ADCY5: variants seen among roughly 807,000 people sequenced by gnomAD.
The protein encoded by ADCY5 is adenylate cyclase type 5.
ADCY5 carries 30 observed loss-of-function variants against 119.7 expected under a neutral mutation model. The observed-to-expected ratio is 0.25, with a 90% CI of 0.19 to 0.34. The LOEUF (loss-of-function observed/expected upper bound fraction) is 0.34. ADCY5 is among the 10% of genes least tolerant of loss of function. The pLI, the probability that ADCY5 is intolerant of heterozygous loss-of-function variation, is 1.00. For missense variants in ADCY5, 1,324 were observed against 1,775.2 expected, an observed-to-expected ratio of 0.75 and a Z score of 4.57; for synonymous variants, 753 against 762.2, an observed-to-expected ratio of 0.99 and a Z score of 0.20.
intron 1 of ADCY5, among the ~76,000 whole-genome samples, chr3:123,440,331 G>C (rs1416232580): frequency 1.3e-5 from 2 of 152,238 alleles, no homozygotes; most frequent in Admixed American, 1.3e-4. Context: ...CCCAGATGCA[G>C]CAGCTCATAA....
rs10662985 is a variant in ADCY5 at position 123,377,929 on chromosome 3, C to CAAA, written c.1135-25351_1135-25349dup. Among the ~76,000 whole-genome samples, 529 of 84,142 alleles carry CAAA rather than the reference C, an allele frequency of 6.3e-3. 22 individuals carry two copies. Among genetic ancestry groups the CAAA allele is most frequent in the East Asian group, 0.063 (172 of 2,740 alleles). The allele number at this position is 84,142 out of a possible 152,430, so 55.2% of individuals were successfully genotyped here. ...TGGGCGAGAGTGCAAGACTCCATCT[C>CAAA]AAAAAAAAAAAAAAAAAAACTCAAA... On this transcript the variant is annotated intron_variant, in intron 1 of 20. Transcript: ENST00000462833.
At chr3:123,332,336 C>T (rs184797686) in intron 4 of ADCY5, among the ~76,000 whole-genome samples, 191 of 152,376 alleles carry the variant, frequency 1.3e-3, no homozygotes, top group African/African-American at 4.1e-3. Context: ...TTGTGGTCAG[C>T]GACAGTGCTG....
intron 3 of ADCY5, 101 bp from the exon 4 acceptor site, chr3:123,332,776 A>T: frequency 1.2e-6 from 1 of 823,122 alleles, no homozygotes; most frequent in Non-Finnish European, 2.0e-6. Context: ...TTTTTTTAAG[A>T]AGAGGTCTTG....
At chr3:123,390,282 G>A (rs1944366354) in intron 1 of ADCY5, among the ~76,000 whole-genome samples, 2 of 152,254 alleles carry the variant, frequency 1.3e-5, no homozygotes, top group Admixed American at 6.5e-5. Flanking sequence ...GTGGCCGGAT[G>A]TCAAAGCAGC....
chr3:123,415,029 G>A (rs1241765632), intron 1 of ADCY5, among the ~76,000 whole-genome samples: 3 of 152,144 alleles, frequency 2.0e-5, no homozygotes, highest in South Asian at 2.1e-4. Context: ...TGGGTCCCTA[G>A]AGAGAAGATC....
At chr3:123,290,539 G>A (rs1322876945) in intron 18 of ADCY5, among the ~76,000 whole-genome samples, 2 of 152,214 alleles carry the variant, frequency 1.3e-5, no homozygotes, top group Admixed American at 6.5e-5. Context: ...CTGCCCTACC[G>A]GGCTCTGCAT....
At chr3:123,303,430 G>A (rs1002717406) in intron 13 of ADCY5, among the ~76,000 whole-genome samples, 3 of 151,916 alleles carry the variant, frequency 2.0e-5, no homozygotes, top group Non-Finnish European at 4.4e-5. Context: ...GCCCTCCCAG[G>A]GAGGGGTTCT....
intron 1 of ADCY5, among the ~76,000 whole-genome samples, chr3:123,408,174 A>T (rs1399868541): frequency 1.3e-5 from 2 of 152,138 alleles, no homozygotes; most frequent in African/African-American, 2.4e-5. Context: ...GGACACATTA[A>T]GCAAATCATG....
chr3:123,406,617 T>C (rs7638579), intron 1 of ADCY5, among the ~76,000 whole-genome samples: 1 of 152,184 alleles, frequency 6.6e-6, no homozygotes, highest in African/African-American at 2.4e-5. Context: ...CTCCTGAAAT[T>C]GGGCTCTTGG....
chr3:123,345,528 T>C (rs896419890), intron 3 of ADCY5, among the ~76,000 whole-genome samples: 1 of 151,928 alleles, frequency 6.6e-6, no homozygotes, highest in East Asian at 1.9e-4. Flanking sequence ...GGAGAGAAAA[T>C]TCCAGAAGGG....
Position 123,448,656 on chromosome 3 carries a change from G to A in ADCY5, c.-111C>T. The A allele has an allele frequency of 1.0e-6, 1 of 989,890 alleles. No homozygotes were observed. The highest frequency in any genetic ancestry group is 1.3e-6 in the Non-Finnish European group (1 of 765,932). The allele number at this position is 989,890 out of a possible 1,614,324, so 61.3% of individuals were successfully genotyped here. A position where few individuals can be genotyped will look rare whatever the true frequency, so the allele number is the denominator to read the frequency against. On this transcript the variant is annotated 5_prime_UTR_variant, in exon 1 of 21. Coordinates refer to ENST00000462833, the MANE Select transcript of ADCY5 (RefSeq NM_183357.3). The stretch of plus-strand genomic sequence containing the variant: ...GGGACCAGGCTAGGGTCACACGTCG[G>A]GGGCGGCCCGGGGCCCTGCGCTGCA...
At chr3:123,314,362 G>A (rs777847111) in intron 11 of ADCY5, 40 bp from the exon 12 acceptor site, 8 of 1,529,748 alleles carry the variant, frequency 5.2e-6, no homozygotes, top group South Asian at 3.4e-5. Flanking sequence ...CCAGGCTCAG[G>A]TGGCAGGGCT....
At chr3:123,324,181 C>T (rs149059799) in intron 8 of ADCY5, among the ~76,000 whole-genome samples, 29 of 152,214 alleles carry the variant, frequency 1.9e-4, no homozygotes, top group African/African-American at 6.0e-4. Context: ...TCCTTAAGCT[C>T]GTATCATCTG....
intron 14 of ADCY5, 96 bp downstream of exon 14, chr3:123,302,959 A>G (rs1040824941): frequency 1.4e-6 from 2 of 1,432,602 alleles, no homozygotes; most frequent in Non-Finnish European, 9.6e-7. Flanking sequence ...AGCTGGTGAG[A>G]CCCTGTCCTT....
At chr3:123,341,591 T>TA (rs972444149) in intron 3 of ADCY5, among the ~76,000 whole-genome samples, 2 of 152,120 alleles carry the variant, frequency 1.3e-5, no homozygotes, top group African/African-American at 4.8e-5. Context: ...TGAATGTACT[T>TA]AATGCCACTG....
At chr3:123,319,916 C>T in intron 9 of ADCY5, 98 bp from the exon 10 acceptor site, 1 of 1,492,280 alleles carries the variant, frequency 6.7e-7, no homozygotes, top group South Asian at 1.3e-5. Flanking sequence ...TCGGAGAGGC[C>T]TGGCAGCTGT....
chr3:123,325,531 A>C, intron 7 of ADCY5, 69 bp from the exon 8 acceptor site: 1 of 1,593,582 alleles, frequency 6.3e-7, no homozygotes, highest in Non-Finnish European at 8.6e-7. Context: ...CCTTCCCCAA[A>C]CATCGTACCT....
At chr3:123,303,897 A>AG (rs144372832) in intron 13 of ADCY5, among the ~76,000 whole-genome samples, 170 bp downstream of exon 13, 10 of 147,338 alleles carry the variant, frequency 6.8e-5, no homozygotes, top group African/African-American at 2.5e-4. Flanking sequence ...AGAAGAGAAG[A>AG]AAGAACTTGT....
chr3:123,294,974 C>A lies in ADCY5; in HGVS notation c.3063+1110G>T, dbSNP rs546774363. On this transcript the variant is annotated intron_variant, in intron 17 of 20. Transcript: ENST00000462833. ...AGGCCTGACAAGGGGCAGGCTCACA[C>A]AGGATCTTCCCCAGGGTGCCCCAGC... Among the ~76,000 whole-genome samples the A allele has an allele frequency of 3.3e-5, 5 of 152,310 alleles. No individual in the cohort carries two copies. The South Asian group carries it at 6.2e-4, about 19-fold the overall frequency.
Sources: allele counts gnomAD v4.1 joint callset (sites outside exome capture counted in the v4.1 genomes callset), GRCh38; gene constraint gnomAD v4.1.1; transcripts MANE v1.5; gene names NCBI Gene and HGNC (gene_info 2026-07-23, HGNC 2026-07-21).